Variants in TMEM42 observed in about 807,000 individuals in gnomAD.
The protein encoded by TMEM42 is transmembrane protein 42.
In TMEM42, 8 loss-of-function variants were observed where a neutral mutation model predicts 14.0. That is an observed-to-expected ratio of 0.57 (90% confidence interval 0.34 to 1.03). The LOEUF is 1.03. TMEM42 is among the 50% of genes least tolerant of loss of function. TMEM42 has a pLI of 0.03. For synonymous variants in TMEM42, 115 were observed against 94.3 expected (o/e 1.22, Z -1.27); for missense variants, 211 against 219.8 (o/e 0.96, Z 0.25).
Position 44,865,238 on chromosome 3 carries a change from T to A in TMEM42, c.*58T>A. 1.9e-6 allele frequency: 3 copies of A among 1,610,522 alleles called. No individual in the cohort carries two copies. Among genetic ancestry groups the A allele is most frequent in the Non-Finnish European group, 2.5e-6 (3 of 1,177,136 alleles). On this transcript the variant is annotated 3_prime_UTR_variant, in exon 3 of 3. Transcript: ENST00000302392. ...TCATGATGGTGGCCCAGCCTTGGGA[T>A]GTCATGTGGGACTGTATCCTAGGGC...
rs1553668755 is a variant in TMEM42 at position 44,863,308 on chromosome 3, C to CCA, written c.193-888_193-887insAC. On this transcript the variant is annotated intron_variant, in intron 1 of 2. Transcript: ENST00000302392. ...GTATATTTAGATTCCGCACCCCCCC[C>CCA]CCCCGCCGCCTTGTCTCCAGGCAGG... 1.8e-5 allele frequency: 2 copies of CCA among 111,316 alleles called. 1 individual carries two copies. The highest frequency in any genetic ancestry group is 4.2e-5 in the Non-Finnish European group (2 of 47,878). The allele number at this position is 111,316 out of a possible 1,614,324, so 6.9% of individuals were successfully genotyped here.
chr3:44,863,935 T>C lies in TMEM42; in HGVS notation c.193-262T>C. 5 of 486,896 alleles carry C rather than the reference T, an allele frequency of 1.0e-5. No individual in the cohort carries two copies. The South Asian group carries it at 1.5e-4, about 15-fold the overall frequency. The allele number at this position is 486,896 out of a possible 1,614,324, so 30.2% of individuals were successfully genotyped here. The stretch of plus-strand genomic sequence containing the variant: ...AGAAAATACTGGCTTTGGATTAGCA[T>C]TTTGCTTCTTCCCAAGATCATATGG... On this transcript the variant is annotated intron_variant, in intron 1 of 2. Transcript: ENST00000302392.
intron 2 of TMEM42, 51 bp from the exon 3 acceptor site, chr3:44,864,989 T>G (rs1467798111): frequency 1.9e-6 from 3 of 1,607,584 alleles, no homozygotes; most frequent in African/African-American, 2.7e-5. Context: ...GAGAGTGAGG[T>G]TGTGCCCACC....
In TMEM42 at chr3:44,861,960, G is replaced by C. The variant is rs1320510293; in HGVS notation, c.36G>C (p.Val12=). Residue 12 remains valine (V), a synonymous_variant, in exon 1 of 3, where the codon GTG becomes GTC. Coordinates refer to ENST00000302392, the MANE Select transcript of TMEM42 (RefSeq NM_144638.3). ...AERPGPPGGA[V]SATAYPDTPA... ...GGCCGGGGCCTCCGGGCGGCGCCGT[G>C]TCCGCGACCGCGTACCCTGACACCC... 6.4e-6 allele frequency: 9 copies of C among 1,400,540 alleles called. No individual in the cohort carries two copies. Among genetic ancestry groups the C allele is most frequent in the Non-Finnish European group, 8.3e-6 (9 of 1,079,768 alleles). 86.8% of individuals were successfully genotyped at this position (1,400,540 alleles called of 1,614,324 possible). A position where few individuals can be genotyped will look rare whatever the true frequency, so the allele number is the denominator to read the frequency against.
At position 44,861,970 on chromosome 3, in the gene TMEM42, G is replaced by T; in HGVS notation, c.46G>T (p.Ala16Ser). Reference protein sequence around the residue: ...GPPGGAVSATAYPDTPAEFPP... With the variant: ...GPPGGAVSATSYPDTPAEFPP... The stretch of plus-strand genomic sequence containing the variant: ...TCCGGGCGGCGCCGTGTCCGCGACC[G>T]CGTACCCTGACACCCCCGCGGAATT... The change falls in exon 1 of 3, where the codon GCG becomes TCG. Residue 16 changes from alanine to serine, a missense_variant. Coordinates refer to ENST00000302392, the MANE Select transcript of TMEM42 (RefSeq NM_144638.3). The T allele has an allele frequency of 7.2e-7, 1 of 1,393,568 alleles. No homozygotes were observed. The highest frequency in any genetic ancestry group is 9.3e-7 in the Non-Finnish European group (1 of 1,075,256). The allele number at this position is 1,393,568 out of a possible 1,614,324, so 86.3% of individuals were successfully genotyped here. A position where few individuals can be genotyped will look rare whatever the true frequency, so the allele number is the denominator to read the frequency against.
At position 44,865,617 on chromosome 3, in the gene TMEM42, C is replaced by A. The variant is rs1284341271; in HGVS notation, c.*437C>A. On this transcript the variant is annotated 3_prime_UTR_variant, in exon 3 of 3. Transcript: ENST00000302392. ...TCTGTGTCATGCTTATGTATTATGG[C>A]AAGAAGAGGAAAACTGGATTAATAA... 6.0e-6 allele frequency: 1 copy of A among 166,098 alleles called. No homozygotes were observed. Among genetic ancestry groups the A allele is most frequent in the Non-Finnish European group, 1.3e-5 (1 of 76,022 alleles). 10.3% of individuals were successfully genotyped at this position (166,098 alleles called of 1,614,324 possible).
At position 44,862,076 on chromosome 3, in the gene TMEM42, C is replaced by T. The variant is rs773879428; in HGVS notation, c.152C>T (p.Ala51Val). 2 of 1,307,740 alleles carry T rather than the reference C, an allele frequency of 1.5e-6. No homozygotes were observed. Among genetic ancestry groups the T allele is most frequent in the Non-Finnish European group, 2.0e-6 (2 of 1,024,086 alleles). 81.0% of individuals were successfully genotyped at this position (1,307,740 alleles called of 1,614,324 possible). Reference sequence around the variant, plus strand: ...TGTCTGTGCGCCGGCGCGTTCGGGGCCCTGGCCGCCGCCTCCGCCAAGCTG... The same window carrying T: ...TGTCTGTGCGCCGGCGCGTTCGGGGTCCTGGCCGCCGCCTCCGCCAAGCTG... ...FNCLCAGAFG[A>V]LAAASAKLAF... Residue 51 changes from alanine (A) to valine (V), a missense_variant, in exon 1 of 3, where the codon GCC becomes GTC. Physicochemically the swap from Ala to Val is moderately conservative, Grantham distance 64. Transcript: ENST00000302392.
chr3:44,865,386 T>G lies in TMEM42; in HGVS notation c.*206T>G, dbSNP rs1218088033. 1 of 634,574 alleles carries G rather than the reference T, an allele frequency of 1.6e-6. No individual in the cohort carries two copies. The highest frequency in any genetic ancestry group is 2.6e-6 in the Non-Finnish European group (1 of 378,238). 39.3% of individuals were successfully genotyped at this position (634,574 alleles called of 1,614,324 possible). A position where few individuals can be genotyped will look rare whatever the true frequency, so the allele number is the denominator to read the frequency against. On this transcript the variant is annotated 3_prime_UTR_variant, in exon 3 of 3. Transcript: ENST00000302392. ...TTCTACCGGAAGTGTTTTGATCATC[T>G]GTACAGTGCTTTGGATTCTTCCTCC...
chr3:44,861,941 G>A lies in TMEM42; in HGVS notation c.17G>A (p.Gly6Glu), dbSNP rs548911859. 2.7e-5 allele frequency: 38 copies of A among 1,421,886 alleles called. No homozygotes were observed. The African/African-American group carries it at 4.1e-4, about 15-fold the overall frequency. 88.1% of individuals were successfully genotyped at this position (1,421,886 alleles called of 1,614,324 possible). ...GCAGGCAACATGGCCGAGAGGCCGGGGCCTCCGGGCGGCGCCGTGTCCGCG... is the reference window on the plus strand; with the variant it reads ...GCAGGCAACATGGCCGAGAGGCCGGAGCCTCCGGGCGGCGCCGTGTCCGCG... The part of the protein sequence containing the change: MAERP[G>E]PPGGAVSATA... Residue 6 changes from glycine (G) to glutamate (E), a missense_variant, in exon 1 of 3, where the codon GGG (glycine) becomes GAG (glutamate). Transcript: ENST00000302392.
rs763911889 is a variant in TMEM42 at position 44,864,184 on chromosome 3, C to G, written c.193-13C>G. On this transcript the variant is annotated splice_polypyrimidine_tract_variant and intron_variant, in intron 1 of 2. Coordinates refer to ENST00000302392, the MANE Select transcript of TMEM42 (RefSeq NM_144638.3). ...CAGGGTGGACGTGGCTGCAGTGACA[C>G]TTTCTCCTGCAGGTGAGCATGGGTT... 1.9e-6 allele frequency: 3 copies of G among 1,613,388 alleles called. No individual in the cohort carries two copies. In the African/African-American group the frequency reaches 4.0e-5, roughly 22 times the overall value.
At chr3:44,862,730 TCTCC>T (rs1699272570) in intron 1 of TMEM42, 1 of 151,818 alleles carries the variant, frequency 6.6e-6, no homozygotes, top group African/African-American at 2.4e-5. Context: ...TATCTCTGCC[TCTCC>T]CTCCCACGTC....
intron 2 of TMEM42, 84 bp from the exon 3 acceptor site, chr3:44,864,956 C>G (rs932830070): frequency 1.5e-5 from 23 of 1,566,540 alleles, no homozygotes; most frequent in Non-Finnish European, 1.9e-5. Context: ...CTCCTGGCAC[C>G]CTTAGAAGGA....
rs753798856 is a variant in TMEM42, at chr3:44,862,120, G to A, written c.192+4G>A. The A allele has an allele frequency of 2.5e-6, 3 of 1,223,200 alleles. No homozygotes were observed. Among genetic ancestry groups the A allele is most frequent in the Non-Finnish European group, 2.0e-6 (2 of 979,320 alleles). The allele number at this position is 1,223,200 out of a possible 1,614,324, so 75.8% of individuals were successfully genotyped here. On this transcript the variant is annotated splice_donor_region_variant and intron_variant, in intron 1 of 2. Coordinates refer to ENST00000302392, the MANE Select transcript of TMEM42 (RefSeq NM_144638.3). ...CAAGCTGGCCTTCGGCAGCGAGGTC[G>A]AGCCCGGGGCGCTGTTGGTGCTGCT...
At chr3:44,865,001 G>T (rs752003346) in intron 2 of TMEM42, 39 bp from the exon 3 acceptor site, 2 of 1,609,878 alleles carry the variant, frequency 1.2e-6, no homozygotes, top group Non-Finnish European at 1.7e-6. Flanking sequence ...GTGCCCACCT[G>T]CTGAAGTTGA....
rs545987183 is a variant in TMEM42, at chr3:44,865,049, G to C, written c.349G>C (p.Gly117Arg). 6.2e-7 allele frequency: 1 copy of C among 1,614,034 alleles called. No individual in the cohort carries two copies. Among genetic ancestry groups the C allele is most frequent in the East Asian group, 2.2e-5 (1 of 44,882 alleles). The change falls in exon 3 of 3, where the codon GGC (glycine) becomes CGC (arginine). Residue 117 changes from glycine (G) to arginine (R), a missense_variant. By Grantham distance (125) the Gly-to-Arg change is moderately radical. Coordinates refer to ENST00000302392, the MANE Select transcript of TMEM42 (RefSeq NM_144638.3). Reference protein sequence around the residue: ...FSNILSSAFLGYVLYGECQEV... With the variant: ...FSNILSSAFLRYVLYGECQEV... Reference sequence around the variant, plus strand: ...TATCTTTGTCTCGCAGGCCTTCCTGGGCTATGTGCTGTATGGAGAGTGCCA... The same window carrying C: ...TATCTTTGTCTCGCAGGCCTTCCTGCGCTATGTGCTGTATGGAGAGTGCCA...
chr3:44,863,279 A>G (rs2125739388), intron 1 of TMEM42: 1 of 133,840 alleles, frequency 7.5e-6, no homozygotes, highest in Middle Eastern at 4.6e-3. Context: ...ATTACAAGTA[A>G]TAAGTATATT....
At chr3:44,862,982 A>G (rs1699275630) in intron 1 of TMEM42, 1 of 152,152 alleles carries the variant, frequency 6.6e-6, no homozygotes, top group Admixed American at 6.6e-5. Context: ...CTAGACCTTC[A>G]TAACCCTTTA....
rs367945005 is a variant in TMEM42, at chr3:44,865,114, C to T, written c.414C>T (p.Cys138=). 2.1e-5 allele frequency: 34 copies of T among 1,614,128 alleles called. No individual in the cohort carries two copies. The highest frequency in any genetic ancestry group is 1.6e-4 in the Middle Eastern group (1 of 6,062). The change falls in exon 3 of 3, where the codon TGC becomes TGT. Residue 138 remains cysteine (C), a synonymous_variant. Transcript: ENST00000302392. ...LWWGGVFLIL[C]GLTLIHRKLP... Reference sequence around the variant, plus strand: ...GGGGAGGAGTGTTCCTTATTCTCTGCGGACTCACCCTAATCCACAGGAAGC... The same window carrying T: ...GGGGAGGAGTGTTCCTTATTCTCTGTGGACTCACCCTAATCCACAGGAAGC...
At chr3:44,863,582 A>C (rs138621023) in intron 1 of TMEM42, 30 of 152,596 alleles carry the variant, frequency 2.0e-4, no homozygotes, top group African/African-American at 6.5e-4. Context: ...CCGCTGTAGC[A>C]CTTTAGGAAG....
Sources: allele counts gnomAD v4.1 joint callset, GRCh38; gene constraint gnomAD v4.1.1; transcripts MANE v1.5; gene names NCBI Gene and HGNC (gene_info 2026-07-23, HGNC 2026-07-21).